The following TRIM24 variants were observed in gnomAD, a reference collection of about 807,000 sequenced individuals.
TRIM24 encodes the protein tripartite motif containing 24, also known as transcription intermediary factor 1-alpha.
TRIM24 carries 29 observed loss-of-function variants against 123.9 expected under a neutral mutation model. The ratio of observed to expected loss-of-function variants is 0.23; its 90% CI spans 0.17 to 0.32. TRIM24 has a LOEUF of 0.32. Ranked by LOEUF, TRIM24 falls within the 10% of genes least tolerant of loss-of-function variation. TRIM24 has a pLI of 1.00. For synonymous variants in TRIM24, 456 were observed against 461.1 expected, an observed-to-expected ratio of 0.99 and a Z score of 0.14; for missense variants, 932 against 1,295.3, an observed-to-expected ratio of 0.72 and a Z score of 4.31.
intron 1 of TRIM24, among the ~76,000 whole-genome samples, chr7:138,468,625 T>G (rs1795203665): frequency 6.6e-6 from 1 of 152,238 alleles, no homozygotes; most frequent in South Asian, 2.1e-4. Context: ...TAATTGTTGG[T>G]ATGGCAAGGT....
chr7:138,518,713 C>T (rs527876436), intron 3 of TRIM24, among the ~76,000 whole-genome samples: 19 of 152,236 alleles, frequency 1.2e-4, no homozygotes, highest in Non-Finnish European at 2.4e-4. Context: ...CCAGGCTGGA[C>T]TCAAACTCTT....
At chr7:138,492,217 A>C (rs901759743) in intron 1 of TRIM24, among the ~76,000 whole-genome samples, 3 of 128,044 alleles carry the variant, frequency 2.3e-5, no homozygotes, top group Non-Finnish European at 3.1e-5. Flanking sequence ...GGCTGCAGTG[A>C]GCTGTGATTG....
Position 138,580,695 on chromosome 7 carries a change from G to T in TRIM24, c.2718+1G>T. 6.2e-7 allele frequency: 1 copy of T among 1,612,444 alleles called. No homozygotes were observed. The highest frequency in any genetic ancestry group is 8.5e-7 in the Non-Finnish European group (1 of 1,179,308). The stretch of plus-strand genomic sequence containing the variant: ...TAAGTTAACACCTATAGATAAAAGG[G>T]TAAGTCTTTGGTAAGATGCATTATT... On this transcript the variant is annotated splice_donor_variant, in intron 16 of 18. Coordinates refer to ENST00000343526, the MANE Select transcript of TRIM24 (RefSeq NM_015905.3). LOFTEE classifies it high-confidence loss of function.
chr7:138,511,244 A>G (rs1796278350), intron 2 of TRIM24, among the ~76,000 whole-genome samples: 1 of 151,586 alleles, frequency 6.6e-6, no homozygotes, highest in African/African-American at 2.4e-5. Context: ...CTTGTCTTAC[A>G]TGTGGCCGGA....
rs2116699871 is a variant in TRIM24, at chr7:138,584,965, T to C, written c.*14T>C. The C allele has an allele frequency of 1.3e-6, 2 of 1,565,708 alleles. No individual in the cohort carries two copies. The highest frequency in any genetic ancestry group is 4.5e-5 in the East Asian group (2 of 44,392). ...TTGCTTAAATAATATGCAGCACCAC[T>C]AGCTTGTGCTGGTTTTTAGATTTTT... On this transcript the variant is annotated 3_prime_UTR_variant, in exon 19 of 19. Coordinates refer to ENST00000343526, the MANE Select transcript of TRIM24 (RefSeq NM_015905.3).
chr7:138,582,876 G>GTCTT (rs1468220095), intron 17 of TRIM24, among the ~76,000 whole-genome samples: 1 of 152,194 alleles, frequency 6.6e-6, no homozygotes. Context: ...AGGGAGAAGG[G>GTCTT]TCTTTTGTAC....
At chr7:138,471,218 T>A (rs1404805372) in intron 1 of TRIM24, among the ~76,000 whole-genome samples, 2 of 152,230 alleles carry the variant, frequency 1.3e-5, no homozygotes, top group Non-Finnish European at 2.9e-5. Context: ...GCAAAACATT[T>A]AAAAATATTT....
chr7:138,516,650 C>A (rs1796402643), intron 3 of TRIM24, among the ~76,000 whole-genome samples: 1 of 152,168 alleles, frequency 6.6e-6, no homozygotes, highest in Admixed American at 6.5e-5. Context: ...CCACTGCACC[C>A]AGCCTTTATT....
chr7:138,531,340 T>A (rs866903655), intron 6 of TRIM24, among the ~76,000 whole-genome samples: 49 of 148,838 alleles, frequency 3.3e-4, no homozygotes, highest in African/African-American at 1.2e-3. Context: ...TTACATTAGG[T>A]ATATCTCCCA....
intron 9 of TRIM24, among the ~76,000 whole-genome samples, chr7:138,567,001 T>A (rs1021012270): frequency 6.6e-6 from 1 of 152,226 alleles, no homozygotes; most frequent in Non-Finnish European, 1.5e-5. Flanking sequence ...TGCTTTATAA[T>A]AATATTGCTA....
chr7:138,536,033 C>T (rs1029596482), intron 6 of TRIM24, among the ~76,000 whole-genome samples: 1 of 152,198 alleles, frequency 6.6e-6, no homozygotes, highest in Non-Finnish European at 1.5e-5. Flanking sequence ...GTGCATTCGT[C>T]ACGTACTTCT....
chr7:138,507,361 T>A (rs1796172563), intron 2 of TRIM24, among the ~76,000 whole-genome samples: 1 of 61,304 alleles, frequency 1.6e-5, no homozygotes. Context: ...CATCTGTAAT[T>A]TTTTTTTTTT....
chr7:138,469,631 A>G (rs546654654), intron 1 of TRIM24, among the ~76,000 whole-genome samples: 3 of 151,996 alleles, frequency 2.0e-5, no homozygotes, highest in African/African-American at 4.8e-5. Flanking sequence ...TTGAATACAC[A>G]CTTAGACCAG....
At chr7:138,559,536 G>A (rs192124817) in intron 9 of TRIM24, among the ~76,000 whole-genome samples, 33 of 152,288 alleles carry the variant, frequency 2.2e-4, no homozygotes, top group Non-Finnish European at 2.9e-4. Context: ...CGCTTCAGCC[G>A]TGCATAGACT....
At chr7:138,555,013 A>G (rs1563058185) in intron 9 of TRIM24, 47 bp downstream of exon 9, 1 of 1,568,446 alleles carries the variant, frequency 6.4e-7, no homozygotes, top group African/African-American at 1.4e-5. Context: ...TTATAGTATA[A>G]TTGTGTTTAG....
intron 1 of TRIM24, among the ~76,000 whole-genome samples, chr7:138,471,659 G>A (rs1220460120): frequency 6.6e-6 from 1 of 152,018 alleles, no homozygotes; most frequent in African/African-American, 2.4e-5. Context: ...TCATGCCTCA[G>A]CCTCCCCAAC....
rs571341256 is a variant in TRIM24, at chr7:138,488,739, A to G, written c.365-15551A>G. Among the ~76,000 whole-genome samples, 38 of 152,264 alleles carry G rather than the reference A, an allele frequency of 2.5e-4. 1 individual carries two copies. In the South Asian group the frequency reaches 7.7e-3, roughly 31 times the overall value. ...AGTTTGTTGTGATTTCTGTTCTTTT[A>G]CATTTACTGAGGAGTGCTTTACTTC... On this transcript the variant is annotated intron_variant, in intron 1 of 18. Coordinates refer to ENST00000343526, the MANE Select transcript of TRIM24 (RefSeq NM_015905.3).
At chr7:138,545,030 A>G (rs958073909) in intron 7 of TRIM24, among the ~76,000 whole-genome samples, 1 of 152,208 alleles carries the variant, frequency 6.6e-6, no homozygotes, top group African/African-American at 2.4e-5. Context: ...GCACAAAATT[A>G]TTAGAAATAT....
chr7:138,497,002 AC>A (rs1379823635), intron 1 of TRIM24, among the ~76,000 whole-genome samples: 3 of 152,020 alleles, frequency 2.0e-5, no homozygotes, highest in African/African-American at 7.2e-5. Flanking sequence ...ATTTTTTGTT[AC>A]TTTTTGTTTA....
Sources: allele counts gnomAD v4.1 joint callset (sites outside exome capture counted in the v4.1 genomes callset), GRCh38; gene constraint gnomAD v4.1.1; transcripts MANE v1.5; gene names NCBI Gene and HGNC (gene_info 2026-07-23, HGNC 2026-07-21).